Variants in SHB observed in about 807,000 individuals in gnomAD.
SHB encodes the protein SH2 domain-containing adapter protein B.
SHB carries 20 observed loss-of-function variants against 52.3 expected under a neutral mutation model. The observed-to-expected ratio is 0.38, with a 90% confidence interval of 0.27 to 0.56. The LOEUF (loss-of-function observed/expected upper bound fraction) is 0.56. Ranked by LOEUF, SHB falls within the 20% of genes least tolerant of loss-of-function variation. The probability of loss-of-function intolerance (pLI) is 0.71; values close to 1 mark genes in which losing one functional copy is unlikely to be tolerated. For synonymous variants in SHB, 397 were observed against 316.5 expected (o/e 1.25, Z -2.70); for missense variants, 825 against 723.3 (o/e 1.14, Z -1.61).
chr9:37,960,093 T>A (rs1246555800), intron 3 of SHB, among the ~76,000 whole-genome samples: 1 of 152,250 alleles, frequency 6.6e-6, no homozygotes, highest in Non-Finnish European at 1.5e-5. Context: ...GCTGGCAAGC[T>A]TAATAATATA....
In SHB at chr9:37,961,475, GCC is replaced by G. The variant is rs1832691457; in HGVS notation, c.1055-5423_1055-5422del. On this transcript the variant is annotated intron_variant, in intron 3 of 5. Transcript: ENST00000377707. ...TTGCAAACCCTCCCTGCTCCCCAGT[GCC>G]CCAAGACAAAGGACAAATTCATTCT... 2.0e-5 allele frequency among the ~76,000 whole-genome samples: 3 copies of G among 152,114 alleles called. No homozygotes were observed. The South Asian group carries it at 6.2e-4, about 32-fold the overall frequency.
chr9:37,976,096 T>C (rs1383822429), intron 2 of SHB, among the ~76,000 whole-genome samples: 1 of 152,220 alleles, frequency 6.6e-6, no homozygotes, highest in Non-Finnish European at 1.5e-5. Context: ...AGTGCAGTGC[T>C]ACAATCTCGG....
rs571882529 is a variant in SHB at position 37,948,055 on chromosome 9, C to T, written c.1346+580G>A. ...AGAAATGCCTCACAGGTCAGAAAGA[C>T]CTGAAAGTTTCCAAAGCTGCGATAG... On this transcript the variant is annotated intron_variant, in intron 5 of 5. Coordinates refer to ENST00000377707, the MANE Select transcript of SHB (RefSeq NM_003028.3). Among the ~76,000 whole-genome samples, 3 of 152,330 alleles carry T rather than the reference C, an allele frequency of 2.0e-5. No individual in the cohort carries two copies. In the South Asian group the frequency reaches 6.2e-4, roughly 32 times the overall value.
At chr9:37,952,915 G>A (rs767774995) in intron 4 of SHB, among the ~76,000 whole-genome samples, 73 of 152,170 alleles carry the variant, frequency 4.8e-4, no homozygotes, top group African/African-American at 1.5e-3. Context: ...CTGGACGTAG[G>A]AGTCAGGAGC....
intron 1 of SHB, among the ~76,000 whole-genome samples, chr9:38,051,724 A>C (rs1362593793): frequency 6.6e-6 from 1 of 152,214 alleles, no homozygotes; most frequent in East Asian, 1.9e-4. Flanking sequence ...ACTGATGGCA[A>C]CATTATTCCT....
intron 1 of SHB, among the ~76,000 whole-genome samples, chr9:38,023,949 C>T (rs144121253): frequency 8.5e-4 from 130 of 152,296 alleles, no homozygotes; most frequent in African/African-American, 2.8e-3. Flanking sequence ...CTTATAGGCA[C>T]GCCAATAAAT....
At chr9:37,962,944 A>G (rs1481973047) in intron 3 of SHB, among the ~76,000 whole-genome samples, 1 of 152,124 alleles carries the variant, frequency 6.6e-6, no homozygotes, top group African/African-American at 2.4e-5. Context: ...TTTAAAAGTG[A>G]CGCCCGGTAT....
Position 38,016,130 on chromosome 9 carries a change from A to G in SHB, c.719T>C (p.Val240Ala). 1 of 1,614,054 alleles carries G rather than the reference A, an allele frequency of 6.2e-7. No homozygotes were observed. Among genetic ancestry groups the G allele is most frequent in the Non-Finnish European group, 8.5e-7 (1 of 1,179,976 alleles). ...ATCTGAGTAGTCATCGGCTATGGTC[A>G]CCTGCAGGGAGGAAGATGGCAGGTG... Reference protein sequence around the residue: ...EESGAGKKDKVTIADDYSDPF... With the variant: ...EESGAGKKDKATIADDYSDPF... Residue 240 changes from valine (V) to alanine (A), a missense_variant and splice_region_variant, in exon 2 of 6, where the codon GTG becomes GCG. By Grantham distance (64) the Val-to-Ala change is moderately conservative (BLOSUM62 0). Coordinates refer to ENST00000377707, the MANE Select transcript of SHB (RefSeq NM_003028.3).
At position 37,989,745 on chromosome 9, in the gene SHB, T is replaced by C. The variant is rs375797629; in HGVS notation, c.839-14908A>G. ...CGTCACTTCTTGTATTTCTTGGTGT[T>C]ACAGCACATAAAACCCTATTAAAGT... is the stretch of plus-strand genomic sequence containing the variant. On this transcript the variant is annotated intron_variant, in intron 2 of 5. Transcript: ENST00000377707. 4.9e-4 allele frequency among the ~76,000 whole-genome samples: 75 copies of C among 152,348 alleles called. 1 individual carries two copies. In the South Asian group the frequency reaches 0.015, roughly 31 times the overall value.
At chr9:38,065,897 T>G (rs1031026708) in intron 1 of SHB, among the ~76,000 whole-genome samples, 11 of 152,134 alleles carry the variant, frequency 7.2e-5, no homozygotes, top group African/African-American at 2.7e-4. Context: ...CCAACCATGG[T>G]GACCACCCCT....
chr9:38,056,329 T>A (rs1365188146), intron 1 of SHB, among the ~76,000 whole-genome samples: 4 of 152,092 alleles, frequency 2.6e-5, no homozygotes, highest in Non-Finnish European at 5.9e-5. Context: ...AATACTACAG[T>A]AGGGAAGACT....
chr9:38,068,169 C>T lies in SHB; in HGVS notation c.477G>A (p.Pro159=). The part of the protein sequence containing the change: ...AASSSSSSGS[P]HLYRSSSERR... ...GCTCGCTGCTGCTGCGGTAGAGATG[C>T]GGAGAGCCGGAGGACGAGGACGAGG... Residue 159 remains proline (P), a synonymous_variant, in exon 1 of 6, where the codon CCG becomes CCA. Coordinates refer to ENST00000377707, the MANE Select transcript of SHB (RefSeq NM_003028.3). The T allele has an allele frequency of 1.4e-6, 2 of 1,437,378 alleles. No individual in the cohort carries two copies. Among genetic ancestry groups the T allele is most frequent in the East Asian group, 2.9e-5 (1 of 34,558 alleles). 89.0% of individuals were successfully genotyped at this position (1,437,378 alleles called of 1,614,324 possible).
chr9:38,044,168 C>T (rs1402621636), intron 1 of SHB, among the ~76,000 whole-genome samples: 4 of 152,216 alleles, frequency 2.6e-5, no homozygotes, highest in Non-Finnish European at 5.9e-5. Flanking sequence ...CAGCCCAACA[C>T]CTCATTATCT....
At chr9:37,920,315 CAAAACAAAACAAAACAAAA>C in intron 5 of SHB, among the ~76,000 whole-genome samples, 1 of 150,520 alleles carries the variant, frequency 6.6e-6, no homozygotes, top group Non-Finnish European at 1.5e-5. Flanking sequence ...CAAAACAAAA[CAAAACAAAACAAAACAAAA>C]CTTAGTCCCT....
At chr9:37,950,415 C>A (rs1184219214) in intron 4 of SHB, among the ~76,000 whole-genome samples, 1 of 152,176 alleles carries the variant, frequency 6.6e-6, no homozygotes, top group Non-Finnish European at 1.5e-5. Context: ...TAGGCACGCA[C>A]CGCCATGTCT....
intron 3 of SHB, among the ~76,000 whole-genome samples, chr9:37,969,696 C>T (rs1017951500): frequency 3.9e-5 from 6 of 152,220 alleles, no homozygotes; most frequent in African/African-American, 1.4e-4. Flanking sequence ...CCCCTCCCTA[C>T]GTGGCCACTT....
intron 3 of SHB, among the ~76,000 whole-genome samples, chr9:37,961,432 A>G (rs190970534): frequency 6.6e-6 from 1 of 152,238 alleles, no homozygotes; most frequent in Admixed American, 6.5e-5. Flanking sequence ...GGACCTCTAA[A>G]GCATAGCTCT....
intron 1 of SHB, among the ~76,000 whole-genome samples, chr9:38,054,934 G>C (rs1018511998): frequency 6.6e-6 from 1 of 152,196 alleles, no homozygotes; most frequent in African/African-American, 2.4e-5. Flanking sequence ...AGTTGGATGG[G>C]GTGATCCCCA....
At chr9:37,949,812 C>A (rs1044972284) in intron 4 of SHB, among the ~76,000 whole-genome samples, 1 of 152,240 alleles carries the variant, frequency 6.6e-6, no homozygotes, top group African/African-American at 2.4e-5. Flanking sequence ...GGAATCCCAG[C>A]ATTACTGCTC....
Sources: allele counts gnomAD v4.1 joint callset (sites outside exome capture counted in the v4.1 genomes callset), GRCh38; gene constraint gnomAD v4.1.1; transcripts MANE v1.5; gene names NCBI Gene and HGNC (gene_info 2026-07-23, HGNC 2026-07-21).